The following RTN4RL1 variants were observed in gnomAD, a reference collection of about 807,000 sequenced individuals.
The protein encoded by RTN4RL1 is reticulon-4 receptor-like 1.
RTN4RL1 carries 7 observed loss-of-function variants against 25.6 expected under a neutral mutation model. The ratio of observed to expected loss-of-function variants is 0.27; its 90% CI spans 0.16 to 0.51. The LOEUF (loss-of-function observed/expected upper bound fraction) is 0.51, where lower values mean the gene tolerates loss of function less well. RTN4RL1 is among the 20% of genes least tolerant of loss of function. The probability of loss-of-function intolerance (pLI) is 0.97; values close to 1 mark genes in which losing one functional copy is unlikely to be tolerated. For missense variants in RTN4RL1, 500 were observed against 615.6 expected, an observed-to-expected ratio of 0.81 and a Z score of 1.99; for synonymous variants, 297 against 288.2, an observed-to-expected ratio of 1.03 and a Z score of -0.31.
At chr17:1,984,967 CA>C (rs368241273) in intron 1 of RTN4RL1, among the ~76,000 whole-genome samples, 12,388 of 142,378 alleles carry the variant, frequency 0.087, 1,429 homozygotes, top group African/African-American at 0.27. Context: ...AACTCCATCT[CA>C]AAAAAAAAAA....
intron 1 of RTN4RL1, among the ~76,000 whole-genome samples, chr17:2,017,401 C>T (rs1009737751): frequency 5.9e-5 from 9 of 152,342 alleles, no homozygotes; most frequent in Middle Eastern, 3.4e-3. Context: ...TGTCACGAGT[C>T]GTGCCCACCC....
At chr17:1,974,454 C>T (rs1308289683) in intron 1 of RTN4RL1, among the ~76,000 whole-genome samples, 1 of 152,198 alleles carries the variant, frequency 6.6e-6, no homozygotes. Flanking sequence ...AGGTAAATGA[C>T]TTGTCCAGGA....
At chr17:1,969,058 C>CTTTTTTTTTTTTT (rs566553225) in intron 1 of RTN4RL1, among the ~76,000 whole-genome samples, 9 of 103,896 alleles carry the variant, frequency 8.7e-5, no homozygotes, top group East Asian at 3.0e-4. Flanking sequence ...ACCACTGTCC[C>CTTTTTTTTTTTTT]TTTTTTTTTT....
chr17:2,010,482 A>C (rs191350255), intron 1 of RTN4RL1, among the ~76,000 whole-genome samples: 4 of 151,904 alleles, frequency 2.6e-5, no homozygotes, highest in African/African-American at 9.7e-5. Context: ...GTCTCAATAT[A>C]TATATAGTTG....
chr17:1,956,567 C>T (rs1915798749), intron 1 of RTN4RL1, among the ~76,000 whole-genome samples: 1 of 152,100 alleles, frequency 6.6e-6, no homozygotes, highest in Admixed American at 6.6e-5. Flanking sequence ...CAGAGTATCC[C>T]ACTGCATGGA....
At chr17:1,988,218 A>C (rs1186090840) in intron 1 of RTN4RL1, among the ~76,000 whole-genome samples, 1 of 152,038 alleles carries the variant, frequency 6.6e-6, no homozygotes, top group Non-Finnish European at 1.5e-5. Flanking sequence ...AGAGATCGAG[A>C]CCATCCTGGC....
intron 1 of RTN4RL1, among the ~76,000 whole-genome samples, chr17:1,984,967 C>CA (rs368241273): frequency 0.032 from 4,532 of 142,506 alleles, 87 homozygotes; most frequent in South Asian, 0.05. Context: ...AACTCCATCT[C>CA]AAAAAAAAAA....
chr17:1,992,082 G>A (rs756699798), intron 1 of RTN4RL1, among the ~76,000 whole-genome samples: 4 of 152,008 alleles, frequency 2.6e-5, no homozygotes, highest in Non-Finnish European at 5.9e-5. Context: ...AAGAGTCCTC[G>A]TGCCGGGCGC....
At chr17:1,986,834 C>CCCAGG (rs1186720943) in intron 1 of RTN4RL1, among the ~76,000 whole-genome samples, 8 of 152,086 alleles carry the variant, frequency 5.3e-5, no homozygotes, top group African/African-American at 1.7e-4. Context: ...TGCCCCCCGA[C>CCCAGG]CCAGGCCCAG....
chr17:2,007,337 AACACACACACACAC>A (rs34669886), intron 1 of RTN4RL1, among the ~76,000 whole-genome samples: 3 of 140,306 alleles, frequency 2.1e-5, no homozygotes, highest in Non-Finnish European at 4.6e-5. Flanking sequence ...TCACAGCCCC[AACACACACACACAC>A]ACACACACAC....
At chr17:2,001,835 G>A (rs963768666) in intron 1 of RTN4RL1, among the ~76,000 whole-genome samples, 6 of 150,928 alleles carry the variant, frequency 4.0e-5, no homozygotes, top group Non-Finnish European at 5.9e-5. Flanking sequence ...GGGTGACTGC[G>A]GGATTCTCCC....
At chr17:1,955,192 C>T (rs1389216339) in intron 1 of RTN4RL1, among the ~76,000 whole-genome samples, 6 of 152,242 alleles carry the variant, frequency 3.9e-5, no homozygotes, top group Admixed American at 2.6e-4. Context: ...GCCTTGTGTG[C>T]GGTCCCCAAC....
intron 1 of RTN4RL1, among the ~76,000 whole-genome samples, chr17:1,969,210 C>G (rs1015756328): frequency 6.6e-6 from 1 of 152,168 alleles, no homozygotes; most frequent in South Asian, 2.1e-4. Flanking sequence ...AGGCACCCAC[C>G]ACCACATCCA....
chr17:1,955,045 G>A (rs995389416), intron 1 of RTN4RL1, among the ~76,000 whole-genome samples: 7 of 152,030 alleles, frequency 4.6e-5, no homozygotes, highest in African/African-American at 1.5e-4. Context: ...TCCGGTCCCA[G>A]GCCTTAAATT....
In RTN4RL1 at chr17:1,935,534, G is replaced by T. The variant is rs554654716; in HGVS notation, c.*962C>A. 3.0e-6 allele frequency: 3 copies of T among 985,496 alleles called. No individual in the cohort carries two copies. Among genetic ancestry groups the T allele is most frequent in the East Asian group, 1.1e-4 (1 of 8,806 alleles). 61.0% of individuals were successfully genotyped at this position (985,496 alleles called of 1,614,324 possible). ...TGCCCCAGGCCCTTGGCAAGGCCAGGTCCCTTGGAGACTATCGTTGCCAGT... is the reference window on the plus strand; with the variant it reads ...TGCCCCAGGCCCTTGGCAAGGCCAGTTCCCTTGGAGACTATCGTTGCCAGT... On this transcript the variant is annotated 3_prime_UTR_variant, in exon 2 of 2. Coordinates refer to ENST00000331238, the MANE Select transcript of RTN4RL1 (RefSeq NM_178568.4).
At chr17:2,008,141 T>C (rs538045764) in intron 1 of RTN4RL1, among the ~76,000 whole-genome samples, 1 of 148,470 alleles carries the variant, frequency 6.7e-6, no homozygotes, top group Non-Finnish European at 1.5e-5. Flanking sequence ...TGGTGGTGCA[T>C]GCCTGTAATT....
chr17:2,015,780 G>A (rs1045165531), intron 1 of RTN4RL1, among the ~76,000 whole-genome samples: 2 of 73,760 alleles, frequency 2.7e-5, no homozygotes, highest in African/African-American at 4.3e-5. Flanking sequence ...GAGCCGAGCG[G>A]CCGCAAGGGG....
rs146850241 is a variant in RTN4RL1 at position 1,980,103 on chromosome 17, G to A, written c.14-42295C>T. ...GTTTGAGACAGGGCCTCACTCCGTC[G>A]CCCAGCCTGGAGTGCAGTGCCACAA... On this transcript the variant is annotated intron_variant, in intron 1 of 1. Transcript: ENST00000331238. 5.9e-5 allele frequency among the ~76,000 whole-genome samples: 9 copies of A among 151,760 alleles called. No homozygotes were observed. In the East Asian group the frequency reaches 1.2e-3, roughly 20 times the overall value.
At chr17:1,966,229 A>G (rs1324024719) in intron 1 of RTN4RL1, among the ~76,000 whole-genome samples, 3 of 152,198 alleles carry the variant, frequency 2.0e-5, no homozygotes, top group African/African-American at 7.2e-5. Context: ...TCCCAGTGTG[A>G]CTGAGAGCTG....
Sources: gnomAD v4.1 joint callset for allele counts (sites outside exome capture counted in the v4.1 genomes callset) on GRCh38, gnomAD v4.1.1 for gene constraint, MANE v1.5 for transcripts, NCBI Gene and HGNC (gene_info 2026-07-23, HGNC 2026-07-21) for gene names.